DLG2: variants seen among roughly 807,000 people sequenced by gnomAD.
DLG2 encodes the protein discs large MAGUK scaffold protein 2, also known as disks large homolog 2.
A neutral mutation model predicts 132.5 loss-of-function variants in DLG2; 45 were observed. The observed-to-expected ratio is 0.34, with a 90% CI of 0.27 to 0.44. The LOEUF (loss-of-function observed/expected upper bound fraction) is 0.44. Among genes scored for constraint, DLG2 ranks in the 20% least tolerant of loss-of-function variants. DLG2 has a pLI of 1.00. For synonymous variants in DLG2, 424 were observed against 419.6 expected (o/e 1.01, Z -0.13); for missense variants, 1,045 against 1,196.9 (o/e 0.87, Z 1.87).
intron 4 of DLG2, among the ~76,000 whole-genome samples, chr11:85,230,717 A>C (rs1481517120): frequency 2.6e-5 from 4 of 151,870 alleles, no homozygotes; most frequent in Non-Finnish European, 5.9e-5. Context: ...ATGTGGTGCT[A>C]TGGTTTGGAT....
At chr11:85,135,894 G>C (rs979300803) in intron 5 of DLG2, among the ~76,000 whole-genome samples, 13 of 152,156 alleles carry the variant, frequency 8.5e-5, no homozygotes, top group Non-Finnish European at 1.0e-4. Flanking sequence ...GCATTTGGGA[G>C]TGTTTTACGT....
chr11:83,729,538 T>G (rs2090610471), intron 18 of DLG2, among the ~76,000 whole-genome samples: 1 of 152,194 alleles, frequency 6.6e-6, no homozygotes, highest in African/African-American at 2.4e-5. Context: ...AGTACACATG[T>G]GGAGGACCTT....
chr11:84,568,965 T>A (rs1246912803), intron 6 of DLG2, among the ~76,000 whole-genome samples: 1 of 152,172 alleles, frequency 6.6e-6, no homozygotes, highest in African/African-American at 2.4e-5. Flanking sequence ...TAGCCTAGCC[T>A]GCAGCCCTGC....
At chr11:84,708,798 G>C (rs560474629) in intron 6 of DLG2, among the ~76,000 whole-genome samples, 5 of 151,992 alleles carry the variant, frequency 3.3e-5, no homozygotes, top group Admixed American at 2.6e-4. Flanking sequence ...AGTACAGAGA[G>C]AAAATGTCTC....
At chr11:85,010,249 A>C (rs2059037737) in intron 6 of DLG2, among the ~76,000 whole-genome samples, 1 of 152,102 alleles carries the variant, frequency 6.6e-6, no homozygotes, top group African/African-American at 2.4e-5. Flanking sequence ...GCTTGACACA[A>C]GATAATGTCT....
rs187803444 is a variant in DLG2, at chr11:84,730,339, T to C, written c.358-195608A>G. Reference sequence around the variant, plus strand: ...TGAGAATTAACTAAAATGCCACATGTAAAAGTACCTATCAAAATGCTTGGC... The same window carrying C: ...TGAGAATTAACTAAAATGCCACATGCAAAAGTACCTATCAAAATGCTTGGC... On this transcript the variant is annotated intron_variant, in intron 6 of 27. Coordinates refer to ENST00000376104, the MANE Select transcript of DLG2 (RefSeq NM_001142699.3). Among the ~76,000 whole-genome samples, 657 of 152,126 alleles carry C rather than the reference T, an allele frequency of 4.3e-3. 5 individuals carry two copies. The highest frequency in any genetic ancestry group is 0.015 in the African/African-American group (638 of 41,520).
chr11:85,311,430 G>T (rs1427915011), intron 3 of DLG2, among the ~76,000 whole-genome samples: 1 of 152,116 alleles, frequency 6.6e-6, no homozygotes, highest in Non-Finnish European at 1.5e-5. Flanking sequence ...CCTATAGTAA[G>T]TGGTGAAGCC....
chr11:83,542,598 A>G (rs11233664), intron 19 of DLG2, among the ~76,000 whole-genome samples: 105,591 of 152,116 alleles, frequency 0.69, 37,644 homozygotes, highest in African/African-American at 0.85. Context: ...TTTCTGTATC[A>G]TGCTGCCCCC....
chr11:83,696,390 T>C (rs2081948560), intron 18 of DLG2, among the ~76,000 whole-genome samples: 1 of 152,194 alleles, frequency 6.6e-6, no homozygotes, highest in South Asian at 2.1e-4. Flanking sequence ...CGACATTTTG[T>C]GGCTATATGA....
chr11:85,280,330 G>A (rs1488145552), intron 4 of DLG2, among the ~76,000 whole-genome samples: 1 of 151,980 alleles, frequency 6.6e-6, no homozygotes, highest in African/African-American at 2.4e-5. Context: ...ACCTTATGAG[G>A]TAGACACTAT....
In DLG2 at chr11:85,300,889, C is replaced by T. The variant is rs181484163; in HGVS notation, c.41-15524G>A. ...TGCAAGAACCTGAGAGAGGAGAAAG[C>T]ATGACAAGGACCCTAAAAAAATTAT... On this transcript the variant is annotated intron_variant, in intron 3 of 27. Transcript: ENST00000376104. 5.7e-3 allele frequency among the ~76,000 whole-genome samples: 859 copies of T among 152,024 alleles called. 2 individuals carry two copies. The highest frequency in any genetic ancestry group is 8.3e-3 in the Non-Finnish European group (566 of 67,944).
At chr11:84,449,722 T>G (rs966736545) in intron 7 of DLG2, among the ~76,000 whole-genome samples, 5 of 151,918 alleles carry the variant, frequency 3.3e-5, no homozygotes, top group African/African-American at 1.2e-4. Context: ...TTTTAAAATT[T>G]AATTTGACTC....
chr11:84,584,282 A>G (rs1390508130), intron 6 of DLG2, among the ~76,000 whole-genome samples: 2 of 152,090 alleles, frequency 1.3e-5, no homozygotes, highest in Non-Finnish European at 2.9e-5. Context: ...ATTTTGTTAT[A>G]CTATATAAGT....
rs180783881 is a variant in DLG2, at chr11:84,560,834, T to C, written c.358-26103A>G. 1.6e-3 allele frequency among the ~76,000 whole-genome samples: 242 copies of C among 152,156 alleles called. 3 individuals are homozygous for C. The highest frequency in any genetic ancestry group is 5.5e-3 in the African/African-American group (227 of 41,560). On this transcript the variant is annotated intron_variant, in intron 6 of 27. Transcript: ENST00000376104. Reference sequence around the variant, plus strand: ...TTTGCCATGAAGGAAAACTAATAAATTGATATTTTGGAGTTAGAGTACTCA... The same window carrying C: ...TTTGCCATGAAGGAAAACTAATAAACTGATATTTTGGAGTTAGAGTACTCA...
chr11:83,921,211 T>C (rs553680915), intron 15 of DLG2, among the ~76,000 whole-genome samples: 16 of 152,276 alleles, frequency 1.1e-4, no homozygotes, highest in African/African-American at 3.8e-4. Flanking sequence ...AAACAGTGAT[T>C]GTTGTAATCA....
chr11:84,210,917 C>T (rs1279055336), intron 8 of DLG2, among the ~76,000 whole-genome samples: 1 of 152,100 alleles, frequency 6.6e-6, no homozygotes, highest in Non-Finnish European at 1.5e-5. Context: ...GTTACACAAG[C>T]GTATTCGTTT....
chr11:85,011,894 C>T (rs2059171737), intron 6 of DLG2, among the ~76,000 whole-genome samples: 1 of 152,108 alleles, frequency 6.6e-6, no homozygotes, highest in African/African-American at 2.4e-5. Context: ...TAATTTATTC[C>T]TTCAGCAAAC....
At chr11:83,759,193 TAGAA>T (rs951743172) in intron 18 of DLG2, among the ~76,000 whole-genome samples, 11 of 152,274 alleles carry the variant, frequency 7.2e-5, no homozygotes, top group African/African-American at 2.6e-4. Context: ...GTTCAGAAGA[TAGAA>T]AGATAGCAAC....
intron 8 of DLG2, among the ~76,000 whole-genome samples, chr11:84,219,213 C>T (rs2096880878): frequency 1.3e-5 from 2 of 152,140 alleles, no homozygotes; most frequent in Admixed American, 1.3e-4. Flanking sequence ...CAATAATTTC[C>T]TAAATGAACT....
Sources: gnomAD v4.1 joint callset for allele counts (sites outside exome capture counted in the v4.1 genomes callset) on GRCh38, gnomAD v4.1.1 for gene constraint, MANE v1.5 for transcripts, NCBI Gene and HGNC (gene_info 2026-07-23, HGNC 2026-07-21) for gene names.